Variants in SEC24D observed in about 807,000 individuals in gnomAD.
SEC24D encodes the protein SEC24 homolog D, COPII component, also known as protein transport protein Sec24D.
A neutral mutation model predicts 116.9 loss-of-function variants in SEC24D; 69 were observed. The ratio of observed to expected loss-of-function variants is 0.59; its 90% confidence interval spans 0.49 to 0.72. The LOEUF is 0.72. Among genes scored for constraint, SEC24D ranks in the 30% least tolerant of loss-of-function variants. The pLI, the probability that SEC24D is intolerant of heterozygous loss-of-function variation, is 0.00. For synonymous variants in SEC24D, 405 were observed against 442.8 expected, an observed-to-expected ratio of 0.91 and a Z score of 1.07; for missense variants, 1,131 against 1,264.1, an observed-to-expected ratio of 0.89 and a Z score of 1.60.
rs1433041589 is a variant in SEC24D at position 118,786,715 on chromosome 4, C to T, written c.1041+10968G>A. On this transcript the variant is annotated intron_variant, in intron 8 of 22. Transcript: ENST00000280551. The stretch of plus-strand genomic sequence containing the variant: ...AGAAATAGCAGCAAAAAGGCTCTAA[C>T]ACAGTTCCTCGTCTGTGGTGGCTTC... 3.3e-5 allele frequency among the ~76,000 whole-genome samples: 5 copies of T among 152,250 alleles called. No homozygotes were observed. In the East Asian group the frequency reaches 9.7e-4, roughly 29 times the overall value.
chr4:118,753,362 T>C (rs1726931404), intron 11 of SEC24D, among the ~76,000 whole-genome samples: 1 of 152,144 alleles, frequency 6.6e-6, no homozygotes, highest in Admixed American at 6.6e-5. Flanking sequence ...TCCTCTTCTC[T>C]GATTCTTTTC....
At position 118,740,160 on chromosome 4, in the gene SEC24D, G is replaced by A. The variant is rs188055968; in HGVS notation, c.2238+503C>T. 8.9e-4 allele frequency among the ~76,000 whole-genome samples: 136 copies of A among 152,284 alleles called. 2 individuals carry two copies. The highest frequency in any genetic ancestry group is 1.8e-4 in the Non-Finnish European group (12 of 68,022). On this transcript the variant is annotated intron_variant, in intron 17 of 22. Coordinates refer to ENST00000280551, the MANE Select transcript of SEC24D (RefSeq NM_014822.4). ...AGAGGGAAGATGATGTGAAGACACA[G>A]GGAGAAGAAAACCATCTACAAACCA...
chr4:118,800,747 T>C lies in SEC24D; in HGVS notation c.914-2937A>G, dbSNP rs561916902. Among the ~76,000 whole-genome samples, 5 of 152,336 alleles carry C rather than the reference T, an allele frequency of 3.3e-5. No homozygotes were observed. The East Asian group carries it at 5.8e-4, about 18-fold the overall frequency. On this transcript the variant is annotated intron_variant, in intron 7 of 22. Transcript: ENST00000280551. ...CAATAACTCTATGGATTAATATATT[T>C]ATAATCTACTTTACTGAGGAGGAAA...
intron 15 of SEC24D, among the ~76,000 whole-genome samples, chr4:118,743,085 TTTGA>T (rs1330905869): frequency 1.3e-5 from 2 of 152,276 alleles, no homozygotes; most frequent in Admixed American, 1.3e-4. Flanking sequence ...GTGCTGACAT[TTTGA>T]TTGTCTCTTG....
In SEC24D at chr4:118,768,245, T is replaced by C. The variant is rs778757710; in HGVS notation, c.1108A>G (p.Met370Val). Residue 370 changes from methionine to valine, a missense_variant, in exon 9 of 23, where the codon ATG becomes GTG. Met to Val is a conservative substitution (Grantham distance 21). Coordinates refer to ENST00000280551, the MANE Select transcript of SEC24D (RefSeq NM_014822.4). ...PVRCNRCKAY[M>V]CPFMQFIEGG... ...TCGATGAACTGCATAAATGGGCACATGTAGGCCTTGCACCTGTTGCATCTG... is the reference window on the plus strand; with the variant it reads ...TCGATGAACTGCATAAATGGGCACACGTAGGCCTTGCACCTGTTGCATCTG... 6.2e-7 allele frequency: 1 copy of C among 1,613,818 alleles called. No individual in the cohort carries two copies. Among genetic ancestry groups the C allele is most frequent in the Non-Finnish European group, 8.5e-7 (1 of 1,179,750 alleles).
At chr4:118,827,444 C>A (rs1730634129) in intron 2 of SEC24D, among the ~76,000 whole-genome samples, 1 of 152,040 alleles carries the variant, frequency 6.6e-6, no homozygotes, top group South Asian at 2.1e-4. Context: ...ACACCCCCCA[C>A]CAAAAAAAAT....
At chr4:118,732,969 G>C (rs761231794) in intron 19 of SEC24D, 57 bp from the exon 20 acceptor site, 1 of 1,399,258 alleles carries the variant, frequency 7.1e-7, no homozygotes, top group Non-Finnish European at 1.0e-6. Flanking sequence ...ACAATTCCCT[G>C]AGCTTCATCT....
chr4:118,795,529 C>T (rs529411387), intron 8 of SEC24D, among the ~76,000 whole-genome samples: 1 of 152,048 alleles, frequency 6.6e-6, no homozygotes, highest in South Asian at 2.1e-4. Flanking sequence ...TATAGTAGGC[C>T]AAGGTGTGGC....
Position 118,723,292 on chromosome 4 carries a change from A to C in SEC24D, c.*223T>G. On this transcript the variant is annotated 3_prime_UTR_variant, in exon 23 of 23. Coordinates refer to ENST00000280551, the MANE Select transcript of SEC24D (RefSeq NM_014822.4). ...ACCACATCAGTTTTAAAAATTAGAA[A>C]CTGTGCAATCAGAAACAGATTGTTC... The C allele has an allele frequency of 2.4e-6, 1 of 408,526 alleles. No homozygotes were observed. The highest frequency in any genetic ancestry group is 4.1e-5 in the Admixed American group (1 of 24,144). 25.3% of individuals were successfully genotyped at this position (408,526 alleles called of 1,614,324 possible).
intron 3 of SEC24D, among the ~76,000 whole-genome samples, chr4:118,820,255 A>T (rs1360964798): frequency 6.8e-6 from 1 of 146,418 alleles, no homozygotes; most frequent in African/African-American, 2.6e-5. Flanking sequence ...ATCTCGGCTC[A>T]CTGCAACCTC....
intron 6 of SEC24D, among the ~76,000 whole-genome samples, chr4:118,811,146 T>A (rs1460460311): frequency 6.6e-6 from 1 of 151,926 alleles, no homozygotes; most frequent in African/African-American, 2.4e-5. Flanking sequence ...TGGGAGGAGA[T>A]TAAGTGAAAA....
In SEC24D at chr4:118,740,717, G is replaced by A. The variant is rs775479247; in HGVS notation, c.2184C>T (p.Thr728=). ...GTTTGTCATCGTGCTTGAACTCCAC[G>A]GTCACTGCCTTGTCACAATCGATGG... is the stretch of plus-strand genomic sequence containing the variant. ...MAAIDCDKAV[T]VEFKHDDKLS... is the part of the protein sequence containing the mutation. Residue 728 remains threonine, a synonymous_variant, in exon 17 of 23, where the codon ACC becomes ACT. Coordinates refer to ENST00000280551, the MANE Select transcript of SEC24D (RefSeq NM_014822.4). The A allele has an allele frequency of 7.4e-5, 119 of 1,613,726 alleles. No individual in the cohort carries two copies. The highest frequency in any genetic ancestry group is 2.8e-4 in the Admixed American group (17 of 59,978).
At chr4:118,820,177 ATTTTT>A (rs748302677) in intron 3 of SEC24D, among the ~76,000 whole-genome samples, 1 of 127,464 alleles carries the variant, frequency 7.8e-6, no homozygotes, top group Non-Finnish European at 1.8e-5. Context: ...AATTAGTTTA[ATTTTT>A]TTTTTTTTTT....
intron 8 of SEC24D, among the ~76,000 whole-genome samples, chr4:118,784,739 G>GGC (rs1728585807): frequency 1.5e-5 from 2 of 132,310 alleles, no homozygotes; most frequent in Admixed American, 7.8e-5. Context: ...ATCCTTCCCT[G>GGC]CCCCCCCCCC....
intron 1 of SEC24D, 25 bp downstream of exon 1, chr4:118,835,916 G>A (rs1478267487): frequency 6.6e-6 from 1 of 152,260 alleles, no homozygotes; most frequent in Non-Finnish European, 1.5e-5. Context: ...CCCGCATGAA[G>A]GCGTCCGCGG....
chr4:118,777,969 T>TG (rs1374423333), intron 8 of SEC24D, among the ~76,000 whole-genome samples: 6 of 152,210 alleles, frequency 3.9e-5, no homozygotes, highest in African/African-American at 1.4e-4. Context: ...TTTTTTCTTG[T>TG]AAATTTGTTT....
intron 13 of SEC24D, 69 bp from the exon 14 acceptor site, chr4:118,745,129 A>G: frequency 1.2e-6 from 1 of 846,968 alleles, no homozygotes; most frequent in Non-Finnish European, 1.9e-6. Flanking sequence ...AGAGAATCAG[A>G]AAATAAAATA....
chr4:118,824,677 G>T lies in SEC24D; in HGVS notation c.191C>A (p.Pro64His). 4 of 1,609,474 alleles carry T rather than the reference G, an allele frequency of 2.5e-6. No individual in the cohort carries two copies. The highest frequency in any genetic ancestry group is 3.4e-6 in the Non-Finnish European group (4 of 1,178,142). Reference protein sequence around the residue: ...RGMLPPGPPPPGPHQFGQNGA... With the variant: ...RGMLPPGPPPHGPHQFGQNGA... ...ATTCTGACCAAACTGATGGGGTCCA[G>T]GAGGTGGGGGACCCGGAGGCAACAT... Residue 64 changes from proline to histidine, a missense_variant, in exon 3 of 23, where the codon CCT becomes CAT. Physicochemically the swap from Pro to His is moderately conservative, Grantham distance 77. Coordinates refer to ENST00000280551, the MANE Select transcript of SEC24D (RefSeq NM_014822.4).
At chr4:118,797,132 A>G (rs1380270704) in intron 8 of SEC24D, among the ~76,000 whole-genome samples, 1 of 152,172 alleles carries the variant, frequency 6.6e-6, no homozygotes, top group East Asian at 1.9e-4. Context: ...GACACTGCAG[A>G]TTTTCAATGT....
Sources: gnomAD v4.1 joint callset for allele counts (sites outside exome capture counted in the v4.1 genomes callset) on GRCh38, gnomAD v4.1.1 for gene constraint, MANE v1.5 for transcripts, NCBI Gene and HGNC (gene_info 2026-07-23, HGNC 2026-07-21) for gene names.